The following PJA2 variants were observed in gnomAD, a reference collection of about 807,000 sequenced individuals.
The protein encoded by PJA2 is praja ring finger ubiquitin ligase 2, also known as E3 ubiquitin-protein ligase Praja-2.
PJA2 carries 25 observed loss-of-function variants against 69.3 expected under a neutral mutation model. The ratio of observed to expected loss-of-function variants is 0.36; its 90% CI spans 0.26 to 0.50. PJA2 has a LOEUF of 0.50. Among genes scored for constraint, PJA2 ranks in the 20% least tolerant of loss-of-function variants. PJA2 has a pLI of 0.96. For missense variants in PJA2, 809 were observed against 830.2 expected (o/e 0.97, Z 0.31); for synonymous variants, 308 against 277.8 (o/e 1.11, Z -1.08).
rs1761935290 is a variant in PJA2 at position 109,336,163 on chromosome 5, C to A, written c.*1068G>T. ...GGACATACACTCACTATGTGCTTTACTATTTTACTTGCTCAAATGTTCTAC... is the reference window on the plus strand; with the variant it reads ...GGACATACACTCACTATGTGCTTTAATATTTTACTTGCTCAAATGTTCTAC... On this transcript the variant is annotated 3_prime_UTR_variant, in exon 10 of 10. Transcript: ENST00000361189. 1 of 152,380 alleles carries A rather than the reference C, an allele frequency of 6.6e-6. No individual in the cohort carries two copies. The highest frequency in any genetic ancestry group is 1.5e-5 in the Non-Finnish European group (1 of 68,032). 9.4% of individuals were successfully genotyped at this position (152,380 alleles called of 1,614,324 possible). A position where few individuals can be genotyped will look rare whatever the true frequency, so the allele number is the denominator to read the frequency against.
chr5:109,353,941 T>C (rs1298537150), intron 7 of PJA2, among the ~76,000 whole-genome samples: 1 of 125,582 alleles, frequency 8.0e-6, no homozygotes, highest in African/African-American at 3.0e-5. Context: ...TCTAGAGATA[T>C]CTATAGATTA....
chr5:109,338,137 C>G (rs2126982379), intron 9 of PJA2, among the ~76,000 whole-genome samples: 1 of 152,222 alleles, frequency 6.6e-6, no homozygotes, highest in Admixed American at 6.5e-5. Context: ...AGAGAACTCC[C>G]TGCTGGAAGG....
At chr5:109,380,708 G>A (rs1352664601) in intron 3 of PJA2, among the ~76,000 whole-genome samples, 1 of 150,952 alleles carries the variant, frequency 6.6e-6, no homozygotes, top group African/African-American at 2.4e-5. Flanking sequence ...GGGAGGCTGA[G>A]GCAGGAGAAC....
intron 5 of PJA2, among the ~76,000 whole-genome samples, chr5:109,366,750 T>G (rs184519120): frequency 6.6e-6 from 1 of 152,210 alleles, no homozygotes; most frequent in African/African-American, 2.4e-5. Context: ...CAATAAATAT[T>G]TGCTGAGTGA....
intron 3 of PJA2, among the ~76,000 whole-genome samples, chr5:109,380,381 A>G (rs1372721541): frequency 1.3e-5 from 2 of 152,218 alleles, no homozygotes; most frequent in African/African-American, 4.8e-5. Flanking sequence ...TGGTACATGG[A>G]TAGCTGCAAA....
Position 109,368,677 on chromosome 5 carries a change from T to C in PJA2, c.1353A>G (p.Gln451=), listed in dbSNP as rs141164550. The C allele has an allele frequency of 1.1e-3, 1,802 of 1,614,190 alleles. 2 individuals are homozygous for C. The highest frequency in any genetic ancestry group is 2.2e-3 in the Admixed American group (132 of 60,022). The change falls in exon 5 of 10, where the codon CAA becomes CAG. Residue 451 remains glutamine, a synonymous_variant. Coordinates refer to ENST00000361189, the MANE Select transcript of PJA2 (RefSeq NM_014819.5). Reference sequence around the variant, plus strand: ...TCTCCCAGCTTTCATCACTTGAGGATTGATCTTTTTCTGTACCAGAAAATC... The same window carrying C: ...TCTCCCAGCTTTCATCACTTGAGGACTGATCTTTTTCTGTACCAGAAAATC... The part of the protein sequence containing the change: ...PHRFSGTEKD[Q]SSSDESWETL...
chr5:109,366,397 G>A (rs1561351544), intron 5 of PJA2, among the ~76,000 whole-genome samples: 2 of 152,044 alleles, frequency 1.3e-5, no homozygotes, highest in Admixed American at 6.5e-5. Context: ...TGAAAAACTG[G>A]GCTTCTTAAA....
chr5:109,400,762 G>C (rs1005706323), intron 1 of PJA2, among the ~76,000 whole-genome samples: 2 of 151,762 alleles, frequency 1.3e-5, no homozygotes, highest in Non-Finnish European at 2.9e-5. Context: ...GGTGGATCAC[G>C]AGGTCAGGAG....
At chr5:109,356,162 C>T in intron 6 of PJA2, 136 bp from the exon 7 acceptor site, 1 of 616,222 alleles carries the variant, frequency 1.6e-6, no homozygotes, top group Non-Finnish European at 2.8e-6. Flanking sequence ...TATTTTAATA[C>T]CAACTTGTAG....
rs34621137 is a variant in PJA2 at position 109,378,283 on chromosome 5, C to T, written c.1204G>A (p.Ala402Thr). The T allele has an allele frequency of 4.8e-3, 7,734 of 1,614,050 alleles. 28 individuals are homozygous for T. The highest frequency in any genetic ancestry group is 6.0e-3 in the Non-Finnish European group (7,077 of 1,179,932). The change falls in exon 4 of 10, where the codon GCA becomes ACA. Residue 402 changes from alanine (A) to threonine (T), a missense_variant. By Grantham distance (58) the Ala-to-Thr change is moderately conservative. This residue lies in a region of PJA2 where 700 missense variants were observed against 639.5 expected (regional missense o/e 1.09). Coordinates refer to ENST00000361189, the MANE Select transcript of PJA2 (RefSeq NM_014819.5). ...NQMTSESGAT[A>T]GRQEVDNTFW... ...GTGTTATCCACCTCTTGCCTTCCTG[C>T]TGTGGCTCCACTTTCTGATGTCATT...
rs1281969094 is a variant in PJA2, at chr5:109,402,930, G to T, written c.-88+6912C>A. On this transcript the variant is annotated intron_variant, in intron 1 of 9. Transcript: ENST00000361189. ...GTGTAAGCACCTCAGGCAGTGCTTG[G>T]AAGGAAAAGAAAAAAGGTCTCAAGT... Among the ~76,000 whole-genome samples, 3 of 151,860 alleles carry T rather than the reference G, an allele frequency of 2.0e-5. No individual in the cohort carries two copies. The East Asian group carries it at 5.8e-4, about 29-fold the overall frequency.
At chr5:109,350,708 T>G (rs942871301) in intron 7 of PJA2, among the ~76,000 whole-genome samples, 5 of 152,180 alleles carry the variant, frequency 3.3e-5, no homozygotes, top group Non-Finnish European at 5.9e-5. Context: ...TCAGAGAAGT[T>G]AAGTGAATTG....
intron 1 of PJA2, among the ~76,000 whole-genome samples, chr5:109,393,057 G>A (rs1747318226): frequency 6.6e-6 from 1 of 152,026 alleles, no homozygotes; most frequent in Non-Finnish European, 1.5e-5. Context: ...AGACTGAAAA[G>A]GAAATCCACA....
intron 9 of PJA2, among the ~76,000 whole-genome samples, chr5:109,341,256 C>A (rs1762049936): frequency 6.7e-6 from 1 of 149,080 alleles, no homozygotes; most frequent in Admixed American, 6.7e-5. Flanking sequence ...CCCGGCCGCC[C>A]ATCCTCTGAG....
chr5:109,354,153 CTAT>C (rs1250368182), intron 7 of PJA2, among the ~76,000 whole-genome samples: 1 of 116,322 alleles, frequency 8.6e-6, no homozygotes, highest in East Asian at 2.2e-4. Flanking sequence ...GATTAGATAT[CTAT>C]GATATCTAGA....
Position 109,353,788 on chromosome 5 carries a change from TATG to T in PJA2, c.1764+2124_1764+2126del, listed in dbSNP as rs1268233738. Among the ~76,000 whole-genome samples, 39 of 139,842 alleles carry T rather than the reference TATG, an allele frequency of 2.8e-4. 1 individual carries two copies. Among genetic ancestry groups the T allele is most frequent in the Middle Eastern group, 0.013 (1 of 78 alleles). 91.7% of individuals were successfully genotyped at this position (139,842 alleles called of 152,430 possible). ...TAGAGATATCTATAGATTAGATGTC[TATG>T]ATATCTAGAGATATCTATAGATTAG... is the stretch of plus-strand genomic sequence containing the variant. On this transcript the variant is annotated intron_variant, in intron 7 of 9. Coordinates refer to ENST00000361189, the MANE Select transcript of PJA2 (RefSeq NM_014819.5).
chr5:109,338,922 C>A (rs921680739), intron 9 of PJA2, among the ~76,000 whole-genome samples: 1 of 152,168 alleles, frequency 6.6e-6, no homozygotes, highest in African/African-American at 2.4e-5. Context: ...CAAAACACTG[C>A]TTCTTAAGTC....
At chr5:109,381,359 TAAG>T in intron 3 of PJA2, 141 bp downstream of exon 3, 1 of 621,968 alleles carries the variant, frequency 1.6e-6, no homozygotes, top group Non-Finnish European at 2.8e-6. Context: ...TTAAATTCAA[TAAG>T]AATTTCAAAA....
chr5:109,409,053 C>T (rs950289175), intron 1 of PJA2: 8 of 152,064 alleles, frequency 5.3e-5, no homozygotes, highest in African/African-American at 1.9e-4. Context: ...ACTCTCCTCC[C>T]TGCAAAACGA....
Sources: gnomAD v4.1 joint callset for allele counts (sites outside exome capture counted in the v4.1 genomes callset) on GRCh38, gnomAD v4.1.1 for gene constraint, gnomAD v4.1.1 regional missense constraint, MANE v1.5 for transcripts, NCBI Gene and HGNC (gene_info 2026-07-23, HGNC 2026-07-21) for gene names.